The following CDH18 variants were observed in gnomAD, a reference collection of about 807,000 sequenced individuals.
CDH18 encodes cadherin 18, also known as cadherin-18.
Under a neutral mutation model 67.9 loss-of-function variants are expected in CDH18, and 31 were observed. The ratio of observed to expected loss-of-function variants is 0.46; its 90% CI spans 0.34 to 0.62. CDH18 has a LOEUF of 0.62. Among genes scored for constraint, CDH18 ranks in the 20% least tolerant of loss-of-function variants. CDH18 has a pLI of 0.01. For synonymous variants in CDH18, 362 were observed against 347.2 expected (o/e 1.04, Z -0.48); for missense variants, 890 against 975.5 (o/e 0.91, Z 1.17).
chr5:20,571,382 A>T (rs996505101), intron 1 of CDH18, among the ~76,000 whole-genome samples: 4 of 152,140 alleles, frequency 2.6e-5, no homozygotes, highest in Non-Finnish European at 5.9e-5. Context: ...TTTAGAAGAC[A>T]GTAAAGTCCT....
At chr5:20,001,357 G>A (rs897780660) in intron 2 of CDH18, among the ~76,000 whole-genome samples, 1 of 152,022 alleles carries the variant, frequency 6.6e-6, no homozygotes, top group Admixed American at 6.6e-5. Flanking sequence ...ATATGTGTTT[G>A]AGGGCATAAG....
intron 1 of CDH18, among the ~76,000 whole-genome samples, chr5:20,266,571 ATTTTTTTTTTTT>A (rs34718835): frequency 1.4e-4 from 8 of 59,184 alleles, no homozygotes; most frequent in South Asian, 1.9e-3. Flanking sequence ...GCCCGGCTGA[ATTTTTTTTTTTT>A]TTTTTTTTTT....
intron 2 of CDH18, among the ~76,000 whole-genome samples, chr5:20,230,153 A>G (rs1741949760): frequency 6.6e-6 from 1 of 152,142 alleles, no homozygotes; most frequent in Admixed American, 6.5e-5. Context: ...GGAATAATAC[A>G]TTGCATTGAT....
At chr5:20,055,832 G>A (rs1254210891) in intron 2 of CDH18, among the ~76,000 whole-genome samples, 1 of 151,924 alleles carries the variant, frequency 6.6e-6, no homozygotes, top group Non-Finnish European at 1.5e-5. Context: ...GAAGCAGAAG[G>A]TCCTTTACAT....
chr5:20,228,388 A>T (rs569618402), intron 2 of CDH18, among the ~76,000 whole-genome samples: 12 of 152,084 alleles, frequency 7.9e-5, no homozygotes, highest in Non-Finnish European at 1.6e-4. Flanking sequence ...GTACAACATG[A>T]TGTATTAAAG....
intron 1 of CDH18, among the ~76,000 whole-genome samples, chr5:20,545,337 C>T (rs1757282399): frequency 6.6e-6 from 1 of 152,186 alleles, no homozygotes; most frequent in African/African-American, 2.4e-5. Flanking sequence ...GGCAATGCCC[C>T]AGTGGGCACT....
chr5:19,744,743 G>T (rs1769747962), intron 4 of CDH18, among the ~76,000 whole-genome samples: 1 of 152,086 alleles, frequency 6.6e-6, no homozygotes, highest in African/African-American at 2.4e-5. Flanking sequence ...TTCTCTGTAG[G>T]CCGTAAATGG....
intron 2 of CDH18, among the ~76,000 whole-genome samples, chr5:20,137,726 T>C (rs1245692086): frequency 6.6e-6 from 1 of 152,152 alleles, no homozygotes; most frequent in African/African-American, 2.4e-5. Flanking sequence ...TGTGGTTTTA[T>C]CTACCTTTGG....
intron 2 of CDH18, among the ~76,000 whole-genome samples, chr5:20,249,707 C>T (rs953415958): frequency 1.5e-4 from 23 of 152,130 alleles, no homozygotes; most frequent in African/African-American, 5.6e-4. Context: ...TATGGCTCTA[C>T]TTCGCTAAAA....
At chr5:19,549,735 GAA>G (rs1491101496) in intron 8 of CDH18, among the ~76,000 whole-genome samples, 1 of 122,106 alleles carries the variant, frequency 8.2e-6, no homozygotes, top group Admixed American at 9.6e-5. Context: ...GGAAGAAAGA[GAA>G]AGAGAGAAAA....
chr5:19,544,813 A>G (rs1283128136), intron 8 of CDH18, among the ~76,000 whole-genome samples: 1 of 152,184 alleles, frequency 6.6e-6, no homozygotes, highest in Non-Finnish European at 1.5e-5. Flanking sequence ...ACACGGGGCA[A>G]AGTTGTCCCA....
intron 2 of CDH18, among the ~76,000 whole-genome samples, chr5:20,034,429 T>C (rs909402313): frequency 6.6e-6 from 1 of 152,036 alleles, no homozygotes; most frequent in African/African-American, 2.4e-5. Context: ...ATGTGTTAAC[T>C]TGACTGGGCC....
intron 2 of CDH18, among the ~76,000 whole-genome samples, chr5:20,034,918 G>A (rs370036859): frequency 1.1e-4 from 17 of 151,946 alleles, no homozygotes; most frequent in South Asian, 4.1e-4. Flanking sequence ...AATTATTCAC[G>A]TACTCTTCCT....
rs570184206 is a variant in CDH18 at position 20,286,849 on chromosome 5, T to A, written c.-579-31344A>T. ...AACAGATACTGCAAGAGCTTTGCAC[T>A]GAGCACAGTGATTGAGTAAAATAAA... On this transcript the variant is annotated intron_variant, in intron 1 of 14. Transcript: ENST00000507958. 2.0e-5 allele frequency among the ~76,000 whole-genome samples: 3 copies of A among 151,952 alleles called. No individual in the cohort carries two copies. The East Asian group carries it at 5.8e-4, about 29-fold the overall frequency.
At chr5:19,612,922 C>T (rs1260223489) in intron 5 of CDH18, among the ~76,000 whole-genome samples, 1 of 151,726 alleles carries the variant, frequency 6.6e-6, no homozygotes, top group Non-Finnish European at 1.5e-5. Flanking sequence ...GGGTGGATCA[C>T]AAGGTCAGGA....
chr5:20,266,690 C>T (rs1023671974), intron 1 of CDH18, among the ~76,000 whole-genome samples: 2 of 147,954 alleles, frequency 1.4e-5, no homozygotes, highest in African/African-American at 5.0e-5. Flanking sequence ...GGCCTCCTAG[C>T]GTGCTGGGAT....
chr5:20,513,964 A>T (rs1450174373), intron 1 of CDH18, among the ~76,000 whole-genome samples: 1 of 152,150 alleles, frequency 6.6e-6, no homozygotes, highest in East Asian at 1.9e-4. Context: ...ATTCACAAAA[A>T]TGTTGCTGAT....
chr5:20,177,364 A>T (rs1288848828), intron 2 of CDH18, among the ~76,000 whole-genome samples: 1 of 152,146 alleles, frequency 6.6e-6, no homozygotes, highest in Non-Finnish European at 1.5e-5. Context: ...AAATGGGAGA[A>T]CCAAAGAATT....
chr5:20,018,519 T>A (rs569329097), intron 2 of CDH18, among the ~76,000 whole-genome samples: 1 of 152,204 alleles, frequency 6.6e-6, no homozygotes, highest in African/African-American at 2.4e-5. Context: ...ACATAAAGTA[T>A]GCCATTTTGT....
Sources: gnomAD v4.1 joint callset for allele counts (sites outside exome capture counted in the v4.1 genomes callset) on GRCh38, gnomAD v4.1.1 for gene constraint, MANE v1.5 for transcripts, NCBI Gene and HGNC (gene_info 2026-07-23, HGNC 2026-07-21) for gene names.